Variants in CCDC146 observed in about 807,000 individuals in gnomAD.
CCDC146 encodes the protein coiled-coil domain-containing protein 146.
In CCDC146, 92 loss-of-function variants were observed where a neutral mutation model predicts 119.3. The observed-to-expected ratio is 0.77, with a 90% confidence interval of 0.65 to 0.92. CCDC146 has a LOEUF of 0.92. CCDC146 is among the 40% of genes least tolerant of loss of function. The probability of loss-of-function intolerance (pLI) is 0.00; values close to 1 mark genes in which losing one functional copy is unlikely to be tolerated. For synonymous variants in CCDC146, 372 were observed against 371.8 expected (o/e 1.00, Z -0.01); for missense variants, 1,000 against 1,103.0 (o/e 0.91, Z 1.32).
At chr7:77,226,249 A>G (rs1792511349) in intron 2 of CCDC146, among the ~76,000 whole-genome samples, 1 of 152,252 alleles carries the variant, frequency 6.6e-6, no homozygotes, top group Admixed American at 6.5e-5. Context: ...AGTGGTAACC[A>G]CTTATGCTTT....
Position 77,196,965 on chromosome 7 carries a change from C to T in CCDC146, c.156+29141C>T, listed in dbSNP as rs1381441043. On this transcript the variant is annotated intron_variant, in intron 2 of 18. Transcript: ENST00000285871. The surrounding 1 kb of genome is among the most constrained non-coding windows in gnomAD (Gnocchi z 4.2). The stretch of plus-strand genomic sequence containing the variant: ...CCTATTGCGTAGTAGTCAGAGCAAT[C>T]TTTATATATTAGATGTTGAACTGAA... 1.9e-6 allele frequency: 3 copies of T among 1,605,324 alleles called. No individual in the cohort carries two copies. The highest frequency in any genetic ancestry group is 1.7e-6 in the Non-Finnish European group (2 of 1,175,288).
At chr7:77,271,088 G>A (rs971861222) in intron 9 of CCDC146, among the ~76,000 whole-genome samples, 3 of 151,166 alleles carry the variant, frequency 2.0e-5, no homozygotes, top group Non-Finnish European at 4.4e-5. Flanking sequence ...TGTTGCTGTC[G>A]TGGTTAATAC....
rs779411716 is a variant in CCDC146 at position 77,294,723 on chromosome 7, C to T, written c.2725C>T (p.Arg909Cys). 12 of 1,614,016 alleles carry T rather than the reference C, an allele frequency of 7.4e-6. No homozygotes were observed. The highest frequency in any genetic ancestry group is 1.7e-5 in the Admixed American group (1 of 59,994). The change falls in exon 19 of 19, where the codon CGT becomes TGT. Residue 909 changes from arginine (R) to cysteine (C), a missense_variant. Arg to Cys is a radical substitution (Grantham distance 180). Transcript: ENST00000285871. ...TGGTGTTTACACAACTGCAGAGCAGCGTCCGAATGCCTACATCCCAGAAGC... is the reference window on the plus strand; with the variant it reads ...TGGTGTTTACACAACTGCAGAGCAGTGTCCGAATGCCTACATCCCAGAAGC... Reference protein sequence around the residue: ...PNGVYTTAEQRPNAYIPEADA... With the variant: ...PNGVYTTAEQCPNAYIPEADA...
intron 2 of CCDC146, among the ~76,000 whole-genome samples, chr7:77,187,644 G>A (rs927314139): frequency 2.6e-5 from 4 of 152,072 alleles, no homozygotes; most frequent in African/African-American, 9.7e-5. Flanking sequence ...CGAAGAGAGA[G>A]CATTTGATAT....
chr7:77,207,014 TTTATC>T (rs1383845368), intron 2 of CCDC146, among the ~76,000 whole-genome samples: 1 of 152,118 alleles, frequency 6.6e-6, no homozygotes, highest in Non-Finnish European at 1.5e-5. Context: ...GATTCTTAAC[TTTATC>T]TTATGAGATA....
chr7:77,133,375 G>A (rs1790814006), intron 1 of CCDC146, among the ~76,000 whole-genome samples: 1 of 152,060 alleles, frequency 6.6e-6, no homozygotes. Flanking sequence ...TTTTGAGACG[G>A]AGTCTCACTT....
chr7:77,197,703 T>C (rs77913753), intron 2 of CCDC146, among the ~76,000 whole-genome samples: 1,983 of 152,308 alleles, frequency 0.013, 41 homozygotes, highest in African/African-American at 0.045. Flanking sequence ...CATATTCATT[T>C]CACTTGACAA....
At chr7:77,277,690 T>G (rs1006044907) in intron 11 of CCDC146, among the ~76,000 whole-genome samples, 3 of 152,192 alleles carry the variant, frequency 2.0e-5, no homozygotes, top group African/African-American at 7.2e-5. Context: ...ACTTAAATAT[T>G]CGTTTCTTCC....
intron 2 of CCDC146, among the ~76,000 whole-genome samples, chr7:77,215,509 A>C (rs3095474): frequency 2.0e-5 from 3 of 151,988 alleles, no homozygotes; most frequent in African/African-American, 7.2e-5. Context: ...AGTAAGAGGT[A>C]CTCATTGCTG....
intron 17 of CCDC146, among the ~76,000 whole-genome samples, chr7:77,292,454 A>C (rs1237930503): frequency 4.0e-5 from 6 of 151,408 alleles, no homozygotes. Flanking sequence ...GCGCTAATAA[A>C]AATACAAAAA....
At chr7:77,202,771 A>G (rs2150439174) in intron 2 of CCDC146, among the ~76,000 whole-genome samples, 1 of 152,310 alleles carries the variant, frequency 6.6e-6, no homozygotes, top group Admixed American at 6.5e-5. Flanking sequence ...ATGAGCAAAG[A>G]AAGGGCTCAA....
intron 16 of CCDC146, 78 bp downstream of exon 16, chr7:77,287,004 T>C (rs1793860800): frequency 6.8e-7 from 1 of 1,479,736 alleles, no homozygotes. Flanking sequence ...TACTGTTTCA[T>C]GTTATGCTGA....
chr7:77,190,059 C>G (rs1185832919), intron 2 of CCDC146, among the ~76,000 whole-genome samples: 1 of 152,126 alleles, frequency 6.6e-6, no homozygotes, highest in Non-Finnish European at 1.5e-5. Context: ...CTCCAGCCTC[C>G]TAGAAGACTG....
intron 6 of CCDC146, among the ~76,000 whole-genome samples, chr7:77,258,442 C>G (rs1015808944): frequency 2.0e-5 from 3 of 152,194 alleles, no homozygotes; most frequent in African/African-American, 7.2e-5. Context: ...TTAGTAGACA[C>G]CACGCTTCAA....
At chr7:77,220,873 T>C (rs1481725178) in intron 2 of CCDC146, among the ~76,000 whole-genome samples, 1 of 152,128 alleles carries the variant, frequency 6.6e-6, no homozygotes, top group Non-Finnish European at 1.5e-5. Context: ...CCAGTTTCCA[T>C]TGCTGTAAGG....
intron 1 of CCDC146, among the ~76,000 whole-genome samples, chr7:77,161,246 A>T (rs1791256819): frequency 6.6e-6 from 1 of 152,214 alleles, no homozygotes; most frequent in South Asian, 2.1e-4. Flanking sequence ...TCAAGGATCT[A>T]GAACTAGAAA....
Position 77,174,368 on chromosome 7 carries a change from A to T in CCDC146, c.156+6544A>T, listed in dbSNP as rs546422211. On this transcript the variant is annotated intron_variant, in intron 2 of 18. Coordinates refer to ENST00000285871, the MANE Select transcript of CCDC146 (RefSeq NM_020879.3). ...AAACAGCAACTTTTATTGAAGTGGCAGTGAACTGCAGCAGCAGAGGTTCTG... is the reference window on the plus strand; with the variant it reads ...AAACAGCAACTTTTATTGAAGTGGCTGTGAACTGCAGCAGCAGAGGTTCTG... Among the ~76,000 whole-genome samples the T allele has an allele frequency of 3.6e-4, 55 of 152,322 alleles. 1 individual carries two copies. Among genetic ancestry groups the T allele is most frequent in the African/African-American group, 1.3e-3 (52 of 41,568 alleles).
chr7:77,184,454 C>T (rs1162810753), intron 2 of CCDC146, among the ~76,000 whole-genome samples: 1 of 152,172 alleles, frequency 6.6e-6, no homozygotes, highest in Non-Finnish European at 1.5e-5. Flanking sequence ...TTGGCTTCAT[C>T]AGGTTGAATA....
chr7:77,145,830 A>G (rs915334711), intron 1 of CCDC146, among the ~76,000 whole-genome samples: 5 of 152,138 alleles, frequency 3.3e-5, no homozygotes, highest in African/African-American at 9.7e-5. Context: ...GGAGTGCTTT[A>G]CTTCCAACTA....
Sources: allele counts gnomAD v4.1 joint callset (sites outside exome capture counted in the v4.1 genomes callset), GRCh38; gene constraint gnomAD v4.1.1; non-coding constraint Gnocchi (gnomAD v3.1); transcripts MANE v1.5; gene names NCBI Gene and HGNC (gene_info 2026-07-23, HGNC 2026-07-21).